PALS1: variants seen among roughly 807,000 people sequenced by gnomAD.
PALS1 encodes the protein protein PALS1.
PALS1 carries 31 observed loss-of-function variants against 78.9 expected under a neutral mutation model. The ratio of observed to expected loss-of-function variants is 0.39; its 90% CI spans 0.30 to 0.53. The LOEUF (loss-of-function observed/expected upper bound fraction) is 0.53, where lower values mean the gene tolerates loss of function less well. Ranked by LOEUF, PALS1 falls within the 20% of genes least tolerant of loss-of-function variation. The pLI is 0.67. For synonymous variants in PALS1, 276 were observed against 270.9 expected (o/e 1.02, Z -0.18); for missense variants, 704 against 826.5 (o/e 0.85, Z 1.82).
At position 67,292,846 on chromosome 14, in the gene PALS1, A is replaced by G. The variant is rs2140826128; in HGVS notation, c.576+127A>G. On this transcript the variant is annotated intron_variant, in intron 4 of 14. Coordinates refer to ENST00000261681, the MANE Select transcript of PALS1 (RefSeq NM_022474.4). ...ATTAATTACTGTTAATTACATGTTA[A>G]TAATGTATTGTGACAGTTTACTACA... is the stretch of plus-strand genomic sequence containing the variant. The G allele has an allele frequency of 4.2e-6, 3 of 714,562 alleles. No homozygotes were observed. The East Asian group carries it at 8.6e-5, about 21-fold the overall frequency. The allele number at this position is 714,562 out of a possible 1,614,324, so 44.3% of individuals were successfully genotyped here. A position where few individuals can be genotyped will look rare whatever the true frequency, so the allele number is the denominator to read the frequency against.
intron 14 of PALS1, among the ~76,000 whole-genome samples, chr14:67,328,538 A>G (rs2085395261): frequency 6.6e-6 from 1 of 152,194 alleles, no homozygotes; most frequent in Non-Finnish European, 1.5e-5. Context: ...TGTTTTAGTC[A>G]TGAAGTCCTT....
intron 1 of PALS1, among the ~76,000 whole-genome samples, chr14:67,251,509 G>A (rs1197295979): frequency 6.6e-6 from 1 of 152,108 alleles, no homozygotes; most frequent in Non-Finnish European, 1.5e-5. Flanking sequence ...CTTCAGCCTG[G>A]TCAACAGCAA....
rs139494975 is a variant in PALS1, at chr14:67,330,169, T to C, written c.1852-2611T>C. 4.9e-3 allele frequency among the ~76,000 whole-genome samples: 733 copies of C among 149,500 alleles called. 3 individuals are homozygous for C. The highest frequency in any genetic ancestry group is 7.0e-3 in the Non-Finnish European group (472 of 67,444). On this transcript the variant is annotated intron_variant, in intron 14 of 14. Transcript: ENST00000261681. ...TAATAATAATAATTATTATTATTAT[T>C]ATCAAAAGGAATAATCAGACACTTT...
intron 2 of PALS1, among the ~76,000 whole-genome samples, chr14:67,272,687 C>T (rs1006935207): frequency 3.9e-5 from 6 of 152,190 alleles, no homozygotes; most frequent in African/African-American, 1.4e-4. Context: ...GAGACAGAGT[C>T]TCGCGCTGTC....
At chr14:67,267,106 TCAAA>T (rs965741351) in intron 1 of PALS1, among the ~76,000 whole-genome samples, 3 of 152,044 alleles carry the variant, frequency 2.0e-5, no homozygotes, top group Admixed American at 6.6e-5. Context: ...AGACCCTGTC[TCAAA>T]CAAACAAATA....
chr14:67,302,712 G>A (rs2084948680), intron 7 of PALS1, 141 bp downstream of exon 7: 1 of 602,246 alleles, frequency 1.7e-6, no homozygotes, highest in Non-Finnish European at 2.5e-6. Context: ...CTGTTCCACA[G>A]TATTTGTTAG....
At chr14:67,310,063 T>C (rs1185841321) in intron 8 of PALS1, among the ~76,000 whole-genome samples, 1 of 100,344 alleles carries the variant, frequency 1.0e-5, no homozygotes, top group Non-Finnish European at 1.7e-5. Context: ...GCTCAAGCAC[T>C]TTTTTTTTTT....
chr14:67,320,983 T>C (rs965555530), intron 12 of PALS1, 74 bp from the exon 13 acceptor site: 16 of 1,242,836 alleles, frequency 1.3e-5, no homozygotes, highest in Non-Finnish European at 1.6e-5. Flanking sequence ...AGAAATTCTT[T>C]CTGACTAGCA....
At chr14:67,307,538 A>T (rs2085022650) in intron 8 of PALS1, among the ~76,000 whole-genome samples, 1 of 152,236 alleles carries the variant, frequency 6.6e-6, no homozygotes, top group African/African-American at 2.4e-5. Context: ...CTGTGTTGTA[A>T]AGAAAAGTTG....
chr14:67,328,954 A>G (rs1044738558), intron 14 of PALS1, among the ~76,000 whole-genome samples: 3 of 152,070 alleles, frequency 2.0e-5, no homozygotes, highest in African/African-American at 7.2e-5. Context: ...TTGTCTTGGC[A>G]ATGCAGGCTC....
chr14:67,324,208 T>C (rs1333782038), intron 14 of PALS1, among the ~76,000 whole-genome samples: 1 of 152,236 alleles, frequency 6.6e-6, no homozygotes, highest in East Asian at 1.9e-4. Flanking sequence ...CTGCTTTTTT[T>C]CTCCCTTTGG....
At chr14:67,319,478 A>G (rs1379727322) in intron 11 of PALS1, among the ~76,000 whole-genome samples, 2 of 152,186 alleles carry the variant, frequency 1.3e-5, no homozygotes, top group Admixed American at 6.5e-5. Context: ...GATAGCATGC[A>G]TATGGCCTGT....
At chr14:67,289,342 A>G (rs1022651479) in intron 3 of PALS1, among the ~76,000 whole-genome samples, 1 of 152,114 alleles carries the variant, frequency 6.6e-6, no homozygotes, top group East Asian at 1.9e-4. Flanking sequence ...ATACAATATA[A>G]CAGCTATTTA....
intron 7 of PALS1, 94 bp from the exon 8 acceptor site, chr14:67,303,428 T>TTTAGG (rs2084956949): frequency 1.0e-6 from 1 of 976,574 alleles, no homozygotes; most frequent in African/African-American, 1.6e-5. Context: ...GGAGGGGTTC[T>TTTAGG]GAAATAGTCC....
intron 9 of PALS1, among the ~76,000 whole-genome samples, chr14:67,315,362 C>T (rs975804058): frequency 6.7e-5 from 10 of 149,616 alleles, no homozygotes; most frequent in African/African-American, 2.0e-4. Flanking sequence ...CTGCAAGCTC[C>T]GCCTCCCGGG....
intron 1 of PALS1, among the ~76,000 whole-genome samples, chr14:67,242,202 C>T (rs1286184665): frequency 6.6e-6 from 1 of 152,178 alleles, no homozygotes; most frequent in Non-Finnish European, 1.5e-5. Flanking sequence ...TCATAACTCA[C>T]CTTCTGTTGA....
chr14:67,281,399 T>A (rs2084607422), intron 3 of PALS1, among the ~76,000 whole-genome samples: 1 of 152,222 alleles, frequency 6.6e-6, no homozygotes, highest in African/African-American at 2.4e-5. Context: ...ATTTTTTTAA[T>A]ACCTTTATGT....
intron 8 of PALS1, among the ~76,000 whole-genome samples, chr14:67,307,537 A>G (rs2085022584): frequency 6.6e-6 from 1 of 152,238 alleles, no homozygotes; most frequent in Non-Finnish European, 1.5e-5. Context: ...ACTGTGTTGT[A>G]AAGAAAAGTT....
chr14:67,242,706 G>A (rs1455266726), intron 1 of PALS1, among the ~76,000 whole-genome samples: 3 of 151,844 alleles, frequency 2.0e-5, no homozygotes, highest in Non-Finnish European at 4.4e-5. Context: ...GGCAGGATGA[G>A]CTATTAAATT....
Sources: gnomAD v4.1 joint callset for allele counts (sites outside exome capture counted in the v4.1 genomes callset) on GRCh38, gnomAD v4.1.1 for gene constraint, MANE v1.5 for transcripts, NCBI Gene and HGNC (gene_info 2026-07-23, HGNC 2026-07-21) for gene names.